SYT10: variants seen among roughly 807,000 people sequenced by gnomAD.
The protein encoded by SYT10 is synaptotagmin-10.
SYT10 carries 31 observed loss-of-function variants against 51.1 expected under a neutral mutation model. That is an observed-to-expected ratio of 0.61 (90% CI 0.46 to 0.82). The LOEUF (loss-of-function observed/expected upper bound fraction) is 0.82. Among genes scored for constraint, SYT10 ranks in the 40% least tolerant of loss-of-function variants. The pLI, the probability that SYT10 is intolerant of heterozygous loss-of-function variation, is 0.00. For missense variants in SYT10, 603 were observed against 634.0 expected, an observed-to-expected ratio of 0.95 and a Z score of 0.53; for synonymous variants, 233 against 225.9, an observed-to-expected ratio of 1.03 and a Z score of -0.28.
chr12:33,416,118 T>C (rs950138053), intron 2 of SYT10, among the ~76,000 whole-genome samples: 1 of 121,366 alleles, frequency 8.2e-6, no homozygotes, highest in Non-Finnish European at 1.8e-5. Flanking sequence ...TCTCACTCTG[T>C]CACCCAGGCT....
chr12:33,412,390 A>G (rs1866414210), intron 2 of SYT10, among the ~76,000 whole-genome samples: 1 of 147,762 alleles, frequency 6.8e-6, no homozygotes, highest in Non-Finnish European at 1.5e-5. Context: ...GACAACACAG[A>G]TATTTTTTTT....
At chr12:33,431,334 A>T (rs1407545105) in intron 1 of SYT10, among the ~76,000 whole-genome samples, 2 of 152,188 alleles carry the variant, frequency 1.3e-5, no homozygotes, top group African/African-American at 2.4e-5. Context: ...CTTAAGAAAA[A>T]TAAGAGATCC....
At chr12:33,419,148 G>A (rs1866479078) in intron 2 of SYT10, among the ~76,000 whole-genome samples, 1 of 151,846 alleles carries the variant, frequency 6.6e-6, no homozygotes, top group South Asian at 2.1e-4. Flanking sequence ...GATCTGTCCT[G>A]GCTACAATGT....
chr12:33,406,953 C>T lies in SYT10; in HGVS notation c.913G>A (p.Ala305Thr), dbSNP rs777482060. Reference protein sequence around the residue: ...LFDETFQFPVAYDQLSNRKLH... With the variant: ...LFDETFQFPVTYDQLSNRKLH... ...TTTCGGTTGCTTAGTTGATCATATGCTACAGGAAATTGAAAAGTTTCATCA... is the reference window on the plus strand; with the variant it reads ...TTTCGGTTGCTTAGTTGATCATATGTTACAGGAAATTGAAAAGTTTCATCA... The change falls in exon 3 of 7, where the codon GCA becomes ACA. Residue 305 changes from alanine (A) to threonine (T), a missense_variant. Coordinates refer to ENST00000228567, the MANE Select transcript of SYT10 (RefSeq NM_198992.4). 13 of 1,614,026 alleles carry T rather than the reference C, an allele frequency of 8.1e-6. No individual in the cohort carries two copies. In the South Asian group the frequency reaches 1.4e-4, roughly 18 times the overall value.
chr12:33,384,032 T>G (rs552437318), intron 4 of SYT10, among the ~76,000 whole-genome samples: 1 of 152,132 alleles, frequency 6.6e-6, no homozygotes, highest in African/African-American at 2.4e-5. Flanking sequence ...CTTGTTCTAC[T>G]TTCACATACA....
chr12:33,396,143 A>G (rs1314405067), intron 3 of SYT10, among the ~76,000 whole-genome samples: 1 of 152,194 alleles, frequency 6.6e-6, no homozygotes, highest in East Asian at 1.9e-4. Context: ...GAATATGCCC[A>G]TGAACTTTTA....
chr12:33,402,286 T>G (rs1866313547), intron 3 of SYT10, among the ~76,000 whole-genome samples: 1 of 152,366 alleles, frequency 6.6e-6, no homozygotes, highest in Middle Eastern at 3.4e-3. Context: ...CATTTCATAT[T>G]CACACTTTAC....
chr12:33,404,098 G>A (rs185296554), intron 3 of SYT10, among the ~76,000 whole-genome samples: 1 of 152,188 alleles, frequency 6.6e-6, no homozygotes, highest in East Asian at 1.9e-4. Flanking sequence ...GTGGCAGGTG[G>A]AATAAAGGTA....
Position 33,404,720 on chromosome 12 carries a change from A to G in SYT10, c.1077+2069T>C, listed in dbSNP as rs184288416. Among the ~76,000 whole-genome samples, 375 of 152,290 alleles carry G rather than the reference A, an allele frequency of 2.5e-3. 2 individuals carry two copies. Among genetic ancestry groups the G allele is most frequent in the Non-Finnish European group, 4.3e-3 (294 of 68,026 alleles). ...TGTTAGGTTTCTAACCAAACTGTAA[A>G]ATGTTTGTGTAAGACTACATTTGTG... On this transcript the variant is annotated intron_variant, in intron 3 of 6. Coordinates refer to ENST00000228567, the MANE Select transcript of SYT10 (RefSeq NM_198992.4).
Position 33,385,246 on chromosome 12 carries a change from G to A in SYT10, c.1123C>T (p.Pro375Ser). The change falls in exon 4 of 7, where the codon CCG becomes TCG. Residue 375 changes from proline to serine, a missense_variant. Coordinates refer to ENST00000228567, the MANE Select transcript of SYT10 (RefSeq NM_198992.4). ...GTCAATGTCATACGCCCAGCCGTCG[G>A]TAGGTAACAAAGGGAAAACATGATT... ...GEIMFSLCYL[P>S]TAGRMTLTVI... The A allele has an allele frequency of 6.2e-7, 1 of 1,613,760 alleles. No homozygotes were observed.
intron 1 of SYT10, among the ~76,000 whole-genome samples, chr12:33,433,227 A>G (rs1336992374): frequency 6.6e-6 from 1 of 152,116 alleles, no homozygotes; most frequent in Non-Finnish European, 1.5e-5. Context: ...CCTTATCTGA[A>G]GGTTCAGTTT....
At chr12:33,380,065 C>A (rs1302312680) in intron 5 of SYT10, 104 bp from the exon 6 acceptor site, 4 of 1,313,966 alleles carry the variant, frequency 3.0e-6, no homozygotes, top group Middle Eastern at 3.9e-4. Context: ...ACATTAGATT[C>A]TGTAATTTTG....
At chr12:33,437,765 A>T (rs762543744) in intron 1 of SYT10, among the ~76,000 whole-genome samples, 2 of 152,014 alleles carry the variant, frequency 1.3e-5, no homozygotes, top group African/African-American at 4.8e-5. Flanking sequence ...TAATATCACC[A>T]CAGAGGACTC....
At chr12:33,426,937 G>T (rs10844598) in intron 1 of SYT10, among the ~76,000 whole-genome samples, 20,319 of 152,068 alleles carry the variant, frequency 0.13, 1,590 homozygotes, top group African/African-American at 0.19. Flanking sequence ...TTCTGTAAAC[G>T]GTTTTCAACA....
Position 33,378,376 on chromosome 12 carries a change from G to A in SYT10, c.1500+1456C>T, listed in dbSNP as rs140723846. Among the ~76,000 whole-genome samples, 181 of 152,264 alleles carry A rather than the reference G, an allele frequency of 1.2e-3. 1 individual carries two copies. The highest frequency in any genetic ancestry group is 4.2e-3 in the African/African-American group (175 of 41,552). On this transcript the variant is annotated intron_variant, in intron 6 of 6. Coordinates refer to ENST00000228567, the MANE Select transcript of SYT10 (RefSeq NM_198992.4). ...TAATTAATATGCCTTGGGTCATAAA[G>A]CACCTTTCTCTCATTCCTTGAGAGT...
intron 4 of SYT10, among the ~76,000 whole-genome samples, chr12:33,384,103 G>A (rs1213269050): frequency 6.6e-6 from 1 of 152,174 alleles, no homozygotes; most frequent in South Asian, 2.1e-4. Flanking sequence ...ATCCATGATA[G>A]ACAGATATAC....
intron 3 of SYT10, among the ~76,000 whole-genome samples, chr12:33,393,066 T>C (rs1387949214): frequency 6.7e-6 from 1 of 148,638 alleles, no homozygotes; most frequent in Non-Finnish European, 1.5e-5. Flanking sequence ...CCAGAATGGT[T>C]TAGCTCTTGT....
chr12:33,406,079 T>A (rs1866350502), intron 3 of SYT10, among the ~76,000 whole-genome samples: 1 of 152,022 alleles, frequency 6.6e-6, no homozygotes, highest in Admixed American at 6.5e-5. Context: ...TGGAAAGCAA[T>A]ATGCCAAAAT....
intron 3 of SYT10, among the ~76,000 whole-genome samples, chr12:33,386,740 C>T (rs1591982359): frequency 1.3e-5 from 2 of 152,096 alleles, no homozygotes; most frequent in Admixed American, 6.6e-5. Flanking sequence ...AGATATAACA[C>T]CCAGGAGAGC....
Sources: allele counts gnomAD v4.1 joint callset (sites outside exome capture counted in the v4.1 genomes callset), GRCh38; gene constraint gnomAD v4.1.1; transcripts MANE v1.5; gene names NCBI Gene and HGNC (gene_info 2026-07-23, HGNC 2026-07-21).